Variants in NMT2 observed in about 807,000 individuals in gnomAD.
The protein encoded by NMT2 is glycylpeptide N-tetradecanoyltransferase 2.
In NMT2, 35 loss-of-function variants were observed where a neutral mutation model predicts 65.4. The ratio of observed to expected loss-of-function variants is 0.54; its 90% confidence interval spans 0.41 to 0.71. The LOEUF is 0.71. Ranked by LOEUF, NMT2 falls within the 30% of genes least tolerant of loss-of-function variation. The pLI is 0.00. For missense variants in NMT2, 489 were observed against 611.3 expected, an observed-to-expected ratio of 0.80 and a Z score of 2.11; for synonymous variants, 226 against 231.8, an observed-to-expected ratio of 0.98 and a Z score of 0.23.
intron 3 of NMT2, among the ~76,000 whole-genome samples, chr10:15,134,725 T>G (rs1846413403): frequency 6.6e-6 from 1 of 152,158 alleles, no homozygotes; most frequent in Admixed American, 6.5e-5. Flanking sequence ...CTCACACCTG[T>G]AACCCAGCAC....
At chr10:15,110,638 AAAAC>A (rs1338350943) in intron 10 of NMT2, among the ~76,000 whole-genome samples, 1 of 116,176 alleles carries the variant, frequency 8.6e-6, no homozygotes, top group East Asian at 2.0e-4. Flanking sequence ...CCTGTCTCAA[AAAAC>A]AAACAAACTA....
chr10:15,112,767 A>T, intron 10 of NMT2, 29 bp downstream of exon 10: 1 of 1,581,034 alleles, frequency 6.3e-7, no homozygotes, highest in Non-Finnish European at 8.6e-7. Flanking sequence ...TGGAGAACCA[A>T]ACGGCGTGAA....
At chr10:15,110,319 A>C (rs1338196742) in intron 10 of NMT2, among the ~76,000 whole-genome samples, 1 of 151,648 alleles carries the variant, frequency 6.6e-6, no homozygotes, top group Non-Finnish European at 1.5e-5. Flanking sequence ...ATTGTCTTAT[A>C]AAACTAGCAG....
At chr10:15,163,623 A>C (rs1177543228) in intron 1 of NMT2, among the ~76,000 whole-genome samples, 1 of 152,238 alleles carries the variant, frequency 6.6e-6, no homozygotes, top group African/African-American at 2.4e-5. Flanking sequence ...ATTTTCCATA[A>C]GAAAAACTTA....
intron 9 of NMT2, 54 bp downstream of exon 9, chr10:15,119,289 T>G: frequency 6.5e-7 from 1 of 1,529,334 alleles, no homozygotes; most frequent in Non-Finnish European, 9.0e-7. Context: ...TGCTGCACGC[T>G]GAACACAAAG....
Position 15,141,418 on chromosome 10 carries a change from TCA to T in NMT2, c.246+2_246+3del. On this transcript the variant is annotated splice_donor_variant and splice_donor_region_variant and intron_variant, in intron 2 of 11. Coordinates refer to ENST00000378165, the MANE Select transcript of NMT2 (RefSeq NM_004808.3). LOFTEE classifies it high-confidence loss of function. ...CAGAGGAAAAAATAAAACAGAGCTCTCACTTTCGAAGGCTGCTGAATTTTAAT... is the reference window on the plus strand; with the variant it reads ...CAGAGGAAAAAATAAAACAGAGCTCTCTTTCGAAGGCTGCTGAATTTTAAT... The T allele has an allele frequency of 6.2e-7, 1 of 1,613,772 alleles. No individual in the cohort carries two copies. The highest frequency in any genetic ancestry group is 2.2e-5 in the East Asian group (1 of 44,894).
intron 9 of NMT2, among the ~76,000 whole-genome samples, chr10:15,118,023 T>G (rs1845800353): frequency 6.6e-6 from 1 of 152,146 alleles, no homozygotes. Context: ...TATTCTAAAA[T>G]GTATATGCAA....
At chr10:15,156,561 A>T (rs1377440497) in intron 1 of NMT2, among the ~76,000 whole-genome samples, 1 of 152,208 alleles carries the variant, frequency 6.6e-6, no homozygotes, top group Admixed American at 6.5e-5. Flanking sequence ...ATACCAAGGC[A>T]TGGCGTTTTT....
At chr10:15,166,764 C>G (rs1462463219) in intron 1 of NMT2, among the ~76,000 whole-genome samples, 1 of 152,148 alleles carries the variant, frequency 6.6e-6, no homozygotes, top group Non-Finnish European at 1.5e-5. Flanking sequence ...CTGAAAACTT[C>G]CGAAGGCAGC....
At chr10:15,109,463 C>T (rs1282834099) in intron 11 of NMT2, among the ~76,000 whole-genome samples, 1 of 151,952 alleles carries the variant, frequency 6.6e-6, no homozygotes, top group African/African-American at 2.4e-5. Context: ...CCCAGCTACT[C>T]GGGAGGCTGA....
chr10:15,167,588 G>A (rs1000890335), intron 1 of NMT2, among the ~76,000 whole-genome samples: 1 of 152,154 alleles, frequency 6.6e-6, no homozygotes, highest in Non-Finnish European at 1.5e-5. Context: ...TAGGGTAAAA[G>A]GGTAATGTAA....
Position 15,141,541 on chromosome 10 carries a change from A to G in NMT2, c.127T>C (p.Leu43=). The change falls in exon 2 of 12, where the codon TTG becomes CTG. Residue 43 remains leucine, a synonymous_variant. Coordinates refer to ENST00000378165, the MANE Select transcript of NMT2 (RefSeq NM_004808.3). ...TTCTTCTTTTTCTTTTTGGCTCCCA[A>G]ATACCCTCCAGGACTTCTGCAGGAA... ...EHAKGSPGGY[L]GAKKKKKKQK... 1 of 1,612,944 alleles carries G rather than the reference A, an allele frequency of 6.2e-7. No homozygotes were observed. Among genetic ancestry groups the G allele is most frequent in the Non-Finnish European group, 8.5e-7 (1 of 1,179,474 alleles).
intron 1 of NMT2, among the ~76,000 whole-genome samples, chr10:15,147,550 A>C (rs1264547258): frequency 1.3e-5 from 2 of 152,114 alleles, no homozygotes; most frequent in East Asian, 3.8e-4. Flanking sequence ...TCAGTAGTGA[A>C]AAAAAAATTT....
At chr10:15,134,016 T>C (rs980519989) in intron 3 of NMT2, among the ~76,000 whole-genome samples, 3 of 152,218 alleles carry the variant, frequency 2.0e-5, no homozygotes, top group Non-Finnish European at 2.9e-5. Flanking sequence ...TCATAAGCAA[T>C]GTAGGTTTCA....
chr10:15,150,464 C>T (rs772124724), intron 1 of NMT2, among the ~76,000 whole-genome samples: 10 of 152,182 alleles, frequency 6.6e-5, no homozygotes, highest in African/African-American at 9.6e-5. Context: ...CTGTCATCAT[C>T]TGGCTGCACT....
intron 7 of NMT2, 122 bp downstream of exon 7, chr10:15,130,020 T>C (rs1364677194): frequency 1.4e-6 from 1 of 714,872 alleles, no homozygotes; most frequent in Non-Finnish European, 2.1e-6. Context: ...ATACTGGACT[T>C]GGTGATTCTA....
chr10:15,148,241 C>T (rs898155459), intron 1 of NMT2, among the ~76,000 whole-genome samples: 1 of 152,164 alleles, frequency 6.6e-6, no homozygotes, highest in Non-Finnish European at 1.5e-5. Flanking sequence ...TGTGGTGGCT[C>T]ATGTCTGTAA....
At chr10:15,124,221 A>C (rs1846011647) in intron 8 of NMT2, among the ~76,000 whole-genome samples, 1 of 152,176 alleles carries the variant, frequency 6.6e-6, no homozygotes, top group Non-Finnish European at 1.5e-5. Context: ...ACACCAGATC[A>C]AAAAAACAAA....
Position 15,113,338 on chromosome 10 carries a change from C to T in NMT2, c.1171-375G>A, listed in dbSNP as rs113204679. On this transcript the variant is annotated intron_variant, in intron 9 of 11. Coordinates refer to ENST00000378165, the MANE Select transcript of NMT2 (RefSeq NM_004808.3). The stretch of plus-strand genomic sequence containing the variant: ...ATGAAAACTTAGCCAGGTGTGGTGG[C>T]GCACACCTGTAATCCCAGCTACTTG... Among the ~76,000 whole-genome samples, 19 of 151,340 alleles carry T rather than the reference C, an allele frequency of 1.3e-4. 1 individual carries two copies. The highest frequency in any genetic ancestry group is 3.9e-4 in the African/African-American group (16 of 41,162).
Sources: allele counts gnomAD v4.1 joint callset (sites outside exome capture counted in the v4.1 genomes callset), GRCh38; gene constraint gnomAD v4.1.1; transcripts MANE v1.5; gene names NCBI Gene and HGNC (gene_info 2026-07-23, HGNC 2026-07-21).